Variants in CHST9 observed in about 807,000 individuals in gnomAD.
CHST9 encodes carbohydrate sulfotransferase 9, also known as GalNAc-4-sulfotransferase 2.
A neutral mutation model predicts 44.4 loss-of-function variants in CHST9; 41 were observed. That is an observed-to-expected ratio of 0.92 (90% CI 0.72 to 1.20). The LOEUF (loss-of-function observed/expected upper bound fraction) is 1.20. CHST9 is among the 50% of genes most tolerant of loss of function. CHST9 has a pLI of 0.00. For synonymous variants in CHST9, 171 were observed against 178.4 expected (o/e 0.96, Z 0.33); for missense variants, 504 against 516.5 (o/e 0.98, Z 0.23).
chr18:26,957,383 C>G (rs969961111), intron 4 of CHST9, among the ~76,000 whole-genome samples: 1 of 152,104 alleles, frequency 6.6e-6, no homozygotes, highest in Non-Finnish European at 1.5e-5. Flanking sequence ...GCTAAGAGGA[C>G]CAGGTACTAA....
At chr18:26,928,758 A>G (rs942349656) in intron 5 of CHST9, among the ~76,000 whole-genome samples, 1 of 152,164 alleles carries the variant, frequency 6.6e-6, no homozygotes, top group Non-Finnish European at 1.5e-5. Flanking sequence ...GCTGTGGTTA[A>G]AGGTTTCTGC....
Position 27,052,012 on chromosome 18 carries a change from G to A in CHST9, c.122-3509C>T, listed in dbSNP as rs933471617. On this transcript the variant is annotated intron_variant, in intron 2 of 5. Coordinates refer to ENST00000618847, the MANE Select transcript of CHST9 (RefSeq NM_031422.6). ...ATGGACAAAATTCACATGAAATATT[G>A]GCATCTCATGTTTCAGAAGGGAGGC... Among the ~76,000 whole-genome samples, 3 of 152,036 alleles carry A rather than the reference G, an allele frequency of 2.0e-5. No homozygotes were observed. The South Asian group carries it at 6.2e-4, about 32-fold the overall frequency.
intron 4 of CHST9, among the ~76,000 whole-genome samples, chr18:26,954,068 C>T (rs946347881): frequency 1.3e-5 from 2 of 152,014 alleles, no homozygotes; most frequent in African/African-American, 4.8e-5. Flanking sequence ...GTATCACATC[C>T]CCCTCTTTTC....
At chr18:27,083,919 T>C (rs1368669479) in intron 2 of CHST9, among the ~76,000 whole-genome samples, 1 of 152,120 alleles carries the variant, frequency 6.6e-6, no homozygotes, top group Non-Finnish European at 1.5e-5. Context: ...TGGTTTTAGT[T>C]CTGTTTGTGT....
rs1460066935 is a variant in CHST9, at chr18:26,906,730, CT to C, written c.*9528del. The C allele has an allele frequency of 6.6e-6, 1 of 152,180 alleles. No homozygotes were observed. The allele number at this position is 152,180 out of a possible 1,614,324, so 9.4% of individuals were successfully genotyped here. A position where few individuals can be genotyped will look rare whatever the true frequency, so the allele number is the denominator to read the frequency against. ...TACATAGAATCCTGCTTCCCAATCTCTCATAGTACTCAGGGCAGAGCATCTC... is the reference window on the plus strand; with the variant it reads ...TACATAGAATCCTGCTTCCCAATCTCCATAGTACTCAGGGCAGAGCATCTC... On this transcript the variant is annotated 3_prime_UTR_variant, in exon 6 of 6. Transcript: ENST00000618847.
At chr18:26,938,990 C>G (rs541354435) in intron 5 of CHST9, among the ~76,000 whole-genome samples, 1 of 152,198 alleles carries the variant, frequency 6.6e-6, no homozygotes, top group Non-Finnish European at 1.5e-5. Flanking sequence ...ATTTAGTGAT[C>G]TGAAGAATTT....
At chr18:27,041,987 C>T (rs920627643) in intron 3 of CHST9, among the ~76,000 whole-genome samples, 1 of 152,042 alleles carries the variant, frequency 6.6e-6, no homozygotes, top group African/African-American at 2.4e-5. Context: ...AAATAGACTT[C>T]ATTAACATAG....
intron 5 of CHST9, among the ~76,000 whole-genome samples, chr18:26,927,046 C>T (rs1352318559): frequency 2.6e-5 from 4 of 152,162 alleles, no homozygotes; most frequent in Non-Finnish European, 5.9e-5. Flanking sequence ...TTAATGCCAA[C>T]AACAATGTGT....
intron 1 of CHST9, among the ~76,000 whole-genome samples, chr18:27,155,046 C>A (rs1186435769): frequency 6.9e-6 from 1 of 145,648 alleles, no homozygotes; most frequent in Admixed American, 7.0e-5. Context: ...CACAGCATTG[C>A]ACTTCAACCT....
At chr18:27,017,441 ATGAC>A (rs1304872361) in intron 4 of CHST9, among the ~76,000 whole-genome samples, 1 of 152,252 alleles carries the variant, frequency 6.6e-6, no homozygotes, top group East Asian at 1.9e-4. Context: ...AAAGGAGTGA[ATGAC>A]TGATATATGC....
At chr18:27,132,201 A>G (rs1292252852) in intron 2 of CHST9, among the ~76,000 whole-genome samples, 1 of 152,194 alleles carries the variant, frequency 6.6e-6, no homozygotes, top group African/African-American at 2.4e-5. Flanking sequence ...TAGTCACATA[A>G]AATTTAACAT....
intron 3 of CHST9, among the ~76,000 whole-genome samples, chr18:27,041,733 A>G (rs1037761355): frequency 6.6e-6 from 1 of 152,134 alleles, no homozygotes; most frequent in African/African-American, 2.4e-5. Context: ...TTACACGATA[A>G]AATTTAAGGT....
At chr18:26,974,864 T>G (rs2056598014) in intron 4 of CHST9, among the ~76,000 whole-genome samples, 1 of 152,064 alleles carries the variant, frequency 6.6e-6, no homozygotes, top group Non-Finnish European at 1.5e-5. Context: ...TTAGTAGGGA[T>G]GGGGTTTCAC....
intron 2 of CHST9, among the ~76,000 whole-genome samples, chr18:27,103,039 A>G (rs181025112): frequency 6.6e-6 from 1 of 152,350 alleles, no homozygotes; most frequent in East Asian, 1.9e-4. Flanking sequence ...CAAGTCTTCA[A>G]CTAAGTGTGT....
intron 3 of CHST9, among the ~76,000 whole-genome samples, chr18:27,044,179 CT>C (rs1186172065): frequency 2.6e-5 from 4 of 151,964 alleles, no homozygotes; most frequent in Non-Finnish European, 5.9e-5. Context: ...GTACATCATT[CT>C]CTAAAAGGCA....
intron 2 of CHST9, among the ~76,000 whole-genome samples, chr18:27,117,921 T>C (rs947133343): frequency 5.9e-5 from 9 of 152,206 alleles, no homozygotes; most frequent in Admixed American, 3.3e-4. Context: ...AGGAGCATGA[T>C]TGCTGTATCA....
intron 1 of CHST9, among the ~76,000 whole-genome samples, chr18:27,164,435 G>A (rs1394743347): frequency 6.6e-6 from 1 of 151,656 alleles, no homozygotes; most frequent in Non-Finnish European, 1.5e-5. Flanking sequence ...AAAAAAGATG[G>A]AAAATTGAAG....
chr18:26,919,093 T>C (rs2055596143), intron 5 of CHST9, among the ~76,000 whole-genome samples: 1 of 152,076 alleles, frequency 6.6e-6, no homozygotes, highest in South Asian at 2.1e-4. Context: ...ACTTATTCAC[T>C]ATCACGAGGA....
intron 4 of CHST9, among the ~76,000 whole-genome samples, chr18:26,955,469 A>G (rs987340599): frequency 1.3e-5 from 2 of 152,176 alleles, no homozygotes; most frequent in Non-Finnish European, 2.9e-5. Context: ...TTTGGGGCAC[A>G]GCTGTGGTAA....
Sources: gnomAD v4.1 joint callset for allele counts (sites outside exome capture counted in the v4.1 genomes callset) on GRCh38, gnomAD v4.1.1 for gene constraint, MANE v1.5 for transcripts, NCBI Gene and HGNC (gene_info 2026-07-23, HGNC 2026-07-21) for gene names.